The following DIP2B variants were observed in gnomAD, a reference collection of about 807,000 sequenced individuals.
DIP2B encodes the protein disco-interacting protein 2 homolog B.
A neutral mutation model predicts 198.0 loss-of-function variants in DIP2B; 76 were observed. The ratio of observed to expected loss-of-function variants is 0.38; its 90% CI spans 0.32 to 0.46. DIP2B has a LOEUF of 0.46. DIP2B is among the 20% of genes least tolerant of loss of function. The pLI is 0.99. For synonymous variants in DIP2B, 701 were observed against 739.1 expected (o/e 0.95, Z 0.84); for missense variants, 1,559 against 1,978.4 (o/e 0.79, Z 4.02).
chr12:50,632,244 T>C (rs1468350034), intron 2 of DIP2B, among the ~76,000 whole-genome samples: 3 of 152,062 alleles, frequency 2.0e-5, no homozygotes, highest in Non-Finnish European at 2.9e-5. Flanking sequence ...CCCGGCACTT[T>C]GGGAGGCCGA....
intron 11 of DIP2B, among the ~76,000 whole-genome samples, chr12:50,686,345 G>C (rs966483738): frequency 6.6e-6 from 1 of 152,160 alleles, no homozygotes; most frequent in Admixed American, 6.5e-5. Flanking sequence ...GGACCTCCCA[G>C]TTGTTGAGGT....
At chr12:50,572,969 A>T (rs1958627740) in intron 1 of DIP2B, among the ~76,000 whole-genome samples, 1 of 152,208 alleles carries the variant, frequency 6.6e-6, no homozygotes, top group Admixed American at 6.5e-5. Context: ...TCTTGGCTAG[A>T]GTGTGCTGTT....
intron 1 of DIP2B, among the ~76,000 whole-genome samples, chr12:50,515,027 T>C (rs1958051576): frequency 6.6e-6 from 1 of 151,956 alleles, no homozygotes; most frequent in African/African-American, 2.4e-5. Flanking sequence ...TGCTTTCATG[T>C]GCTGGCCCTC....
intron 1 of DIP2B, among the ~76,000 whole-genome samples, chr12:50,625,382 A>G (rs1937912921): frequency 1.3e-5 from 2 of 152,250 alleles, no homozygotes; most frequent in Non-Finnish European, 2.9e-5. Context: ...TGCATCATAC[A>G]TACTTTTAAA....
chr12:50,737,176 A>C (rs1940152371), intron 35 of DIP2B, 66 bp downstream of exon 35: 2 of 1,451,922 alleles, frequency 1.4e-6, no homozygotes, highest in Non-Finnish European at 1.9e-6. Flanking sequence ...TTCACATTTT[A>C]GAAATCAGTA....
intron 1 of DIP2B, among the ~76,000 whole-genome samples, chr12:50,615,283 T>C (rs1043525133): frequency 3.3e-5 from 5 of 152,120 alleles, no homozygotes; most frequent in South Asian, 2.1e-4. Flanking sequence ...TTTCTAGAAG[T>C]TTGGCAACAT....
chr12:50,597,000 G>A (rs1016367927), intron 1 of DIP2B, among the ~76,000 whole-genome samples: 3 of 152,086 alleles, frequency 2.0e-5, no homozygotes, highest in African/African-American at 7.2e-5. Flanking sequence ...AATTTTAAAA[G>A]AAATAATTTA....
At chr12:50,627,712 A>C (rs1468920583) in intron 2 of DIP2B, among the ~76,000 whole-genome samples, 1 of 152,276 alleles carries the variant, frequency 6.6e-6, no homozygotes, top group Admixed American at 6.5e-5. Context: ...CTTAGTGAGC[A>C]TGCATTTGAT....
chr12:50,642,800 A>G (rs1286759077), intron 3 of DIP2B, among the ~76,000 whole-genome samples: 2 of 152,204 alleles, frequency 1.3e-5, no homozygotes, highest in African/African-American at 4.8e-5. Flanking sequence ...AAAAAAAACA[A>G]CAACACATCG....
In DIP2B at chr12:50,691,027, T is replaced by C. The variant is rs747890991; in HGVS notation, c.1552-22T>C. On this transcript the variant is annotated intron_variant, in intron 12 of 37. Transcript: ENST00000301180. ...ATAACCCATTTTATTGTGTTTCTTA[T>C]GTTTCTGTTTTTGTTTTCTAGTATA... 1.3e-5 allele frequency: 21 copies of C among 1,600,562 alleles called. No individual in the cohort carries two copies. In the African/African-American group the frequency reaches 1.5e-4, roughly 11 times the overall value.
chr12:50,662,352 A>G (rs1938664230), intron 4 of DIP2B, among the ~76,000 whole-genome samples: 1 of 152,198 alleles, frequency 6.6e-6, no homozygotes, highest in African/African-American at 2.4e-5. Context: ...CATTGAGCGC[A>G]CCCTGCATAG....
At chr12:50,527,432 TTTAC>T (rs1958176795) in intron 1 of DIP2B, among the ~76,000 whole-genome samples, 1 of 152,202 alleles carries the variant, frequency 6.6e-6, no homozygotes, top group African/African-American at 2.4e-5. Context: ...AAAAATCTTA[TTTAC>T]TTATTATATT....
intron 19 of DIP2B, among the ~76,000 whole-genome samples, chr12:50,702,224 T>TAGTC (rs1178164618): frequency 1.3e-5 from 2 of 152,086 alleles, no homozygotes; most frequent in Admixed American, 1.3e-4. Context: ...CGGGCGCCTG[T>TAGTC]AGTCCCAGCT....
At chr12:50,532,797 G>A (rs938975047) in intron 1 of DIP2B, among the ~76,000 whole-genome samples, 3 of 152,180 alleles carry the variant, frequency 2.0e-5, no homozygotes, top group East Asian at 3.9e-4. Flanking sequence ...GGAGCAGGGC[G>A]CTGTCCTTGG....
intron 36 of DIP2B, among the ~76,000 whole-genome samples, chr12:50,740,418 A>T (rs1294860156): frequency 6.6e-6 from 1 of 152,192 alleles, no homozygotes; most frequent in African/African-American, 2.4e-5. Context: ...CTACTTAGAA[A>T]ATGGGGATGA....
intron 1 of DIP2B, among the ~76,000 whole-genome samples, chr12:50,541,403 CTTTTTTTTT>C (rs57979674): frequency 1.6e-5 from 2 of 128,618 alleles, no homozygotes; most frequent in African/African-American, 2.9e-5. Context: ...AAAGAACATT[CTTTTTTTTT>C]TTTTTTTTTT....
At chr12:50,718,134 G>A (rs1939767302) in intron 23 of DIP2B, among the ~76,000 whole-genome samples, 1 of 151,566 alleles carries the variant, frequency 6.6e-6, no homozygotes, top group South Asian at 2.1e-4. Context: ...TCTTGACCTT[G>A]TGATCCTCCC....
intron 31 of DIP2B, 55 bp from the exon 32 acceptor site, chr12:50,732,311 G>A (rs1187765859): frequency 6.2e-6 from 10 of 1,600,226 alleles, no homozygotes; most frequent in Admixed American, 1.7e-5. Context: ...GGCCTTACCT[G>A]TTCAGTTCTT....
chr12:50,686,849 C>A, intron 12 of DIP2B, 167 bp downstream of exon 12: 1 of 568,936 alleles, frequency 1.8e-6, no homozygotes, highest in Non-Finnish European at 3.0e-6. Flanking sequence ...GATCTTCTAT[C>A]CTAATTATTT....
Sources: gnomAD v4.1 joint callset for allele counts (sites outside exome capture counted in the v4.1 genomes callset) on GRCh38, gnomAD v4.1.1 for gene constraint, MANE v1.5 for transcripts, NCBI Gene and HGNC (gene_info 2026-07-23, HGNC 2026-07-21) for gene names.